Variants in TLN2 observed in about 807,000 individuals in gnomAD.
TLN2 encodes talin 2.
Under a neutral mutation model 294.7 loss-of-function variants are expected in TLN2, and 118 were observed. That is an observed-to-expected ratio of 0.40 (90% confidence interval 0.34 to 0.47). The LOEUF is 0.47. Among genes scored for constraint, TLN2 ranks in the 20% least tolerant of loss-of-function variants. The pLI, the probability that TLN2 is intolerant of heterozygous loss-of-function variation, is 0.84. For synonymous variants in TLN2, 1,431 were observed against 1,304.5 expected (o/e 1.10, Z -2.09); for missense variants, 3,083 against 3,282.2 (o/e 0.94, Z 1.48).
chr15:62,801,872 A>C (rs998042050), intron 50 of TLN2, among the ~76,000 whole-genome samples: 1 of 152,216 alleles, frequency 6.6e-6, no homozygotes, highest in African/African-American at 2.4e-5. Flanking sequence ...GTTACATGAA[A>C]TATTTTGATA....
At chr15:62,797,835 C>T (rs1172422217) in intron 48 of TLN2, among the ~76,000 whole-genome samples, 1 of 152,144 alleles carries the variant, frequency 6.6e-6, no homozygotes, top group Non-Finnish European at 1.5e-5. Flanking sequence ...GTGAGCCTGC[C>T]CAGGCACGGG....
chr15:62,557,670 T>C (rs2042684639), intron 1 of TLN2, among the ~76,000 whole-genome samples: 2 of 152,048 alleles, frequency 1.3e-5, no homozygotes. Context: ...GCCTCCCGAG[T>C]AGCTGGGATT....
chr15:62,732,569 G>A (rs959160411), intron 28 of TLN2, among the ~76,000 whole-genome samples: 4 of 152,208 alleles, frequency 2.6e-5, no homozygotes, highest in African/African-American at 9.7e-5. Context: ...TTTTTCATCT[G>A]TGGACACAGT....
chr15:62,801,206 A>C (rs1369808090), intron 50 of TLN2, among the ~76,000 whole-genome samples: 1 of 152,218 alleles, frequency 6.6e-6, no homozygotes, highest in East Asian at 1.9e-4. Flanking sequence ...GGAAAAGCCT[A>C]GAAGCCTTTA....
chr15:62,807,652 C>G (rs1298937793), intron 51 of TLN2, among the ~76,000 whole-genome samples: 1 of 152,192 alleles, frequency 6.6e-6, no homozygotes, highest in Non-Finnish European at 1.5e-5. Context: ...GTGTGCTCCC[C>G]TGTTTTCAGG....
chr15:62,702,115 G>A lies in TLN2; in HGVS notation c.1820G>A (p.Ser607Asn), dbSNP rs148980230. ...LAALMDDEVG[S>N]GEDLLRAART... ...GCCCTCATGGATGATGAGGTGGGCAGCGGGGAGGACTTGCTCAGAGCTGCC... is the reference window on the plus strand; with the variant it reads ...GCCCTCATGGATGATGAGGTGGGCAACGGGGAGGACTTGCTCAGAGCTGCC... The change falls in exon 18 of 59, where the codon AGC becomes AAC. Residue 607 changes from serine (S) to asparagine (N), a missense_variant. Transcript: ENST00000636159. 353 of 1,614,052 alleles carry A rather than the reference G, an allele frequency of 2.2e-4. No individual in the cohort carries two copies. Among genetic ancestry groups the A allele is most frequent in the Non-Finnish European group, 2.7e-4 (320 of 1,180,046 alleles).
chr15:62,442,938 G>A (rs749390687), intron 1 of TLN2, among the ~76,000 whole-genome samples: 1 of 152,086 alleles, frequency 6.6e-6, no homozygotes, highest in Non-Finnish European at 1.5e-5. Context: ...CCTATCTTCC[G>A]TCTTCCGAGC....
chr15:62,588,004 C>A (rs1392678955), intron 1 of TLN2, among the ~76,000 whole-genome samples: 4 of 152,088 alleles, frequency 2.6e-5, no homozygotes, highest in African/African-American at 7.2e-5. Context: ...CCTCAGCCCC[C>A]ACAGTAGCTG....
intron 54 of TLN2, chr15:62,830,000 A>G (rs548289785): frequency 6.6e-6 from 1 of 152,338 alleles, no homozygotes; most frequent in Admixed American, 6.5e-5. Context: ...AAGACTATCA[A>G]TTTATCCTGT....
intron 2 of TLN2, among the ~76,000 whole-genome samples, chr15:62,605,346 T>C (rs1320434871): frequency 6.6e-6 from 1 of 152,258 alleles, no homozygotes; most frequent in Non-Finnish European, 1.5e-5. Context: ...CGTAACATTT[T>C]ACAAATTTAA....
At chr15:62,529,563 A>T (rs1393258611) in intron 1 of TLN2, among the ~76,000 whole-genome samples, 1 of 43,266 alleles carries the variant, frequency 2.3e-5, no homozygotes, top group African/African-American at 2.2e-4. Context: ...TAAAAGCTTA[A>T]AAAAAAAAAA....
rs2070867556 is a variant in TLN2 at position 62,843,107 on chromosome 15, A to C, written c.*2497A>C. The C allele has an allele frequency of 6.6e-6, 1 of 152,194 alleles. No individual in the cohort carries two copies. Among genetic ancestry groups the C allele is most frequent in the African/African-American group, 2.4e-5 (1 of 41,454 alleles). The allele number at this position is 152,194 out of a possible 1,614,324, so 9.4% of individuals were successfully genotyped here. The stretch of plus-strand genomic sequence containing the variant: ...AGTGTGAACTTTCAGAACACCTAAT[A>C]AGAGAGTGGTGTCAGAGTAAAAACG... On this transcript the variant is annotated 3_prime_UTR_variant, in exon 59 of 59. Transcript: ENST00000636159.
At chr15:62,424,943 G>A (rs1373610221) in intron 1 of TLN2, among the ~76,000 whole-genome samples, 22 of 136,112 alleles carry the variant, frequency 1.6e-4, no homozygotes, top group Admixed American at 1.1e-3. Context: ...ATGAGCCACC[G>A]TGCCTGGCCT....
At chr15:62,669,692 A>C (rs963553232) in intron 9 of TLN2, among the ~76,000 whole-genome samples, 1 of 152,142 alleles carries the variant, frequency 6.6e-6, no homozygotes, top group Non-Finnish European at 1.5e-5. Context: ...ACTTGTATAC[A>C]TGTCCCAGAT....
intron 39 of TLN2, 104 bp from the exon 40 acceptor site, chr15:62,763,459 T>G: frequency 6.9e-7 from 1 of 1,455,082 alleles, no homozygotes; most frequent in South Asian, 1.4e-5. Context: ...GAGGTGACTG[T>G]GTCAGGGAGG....
chr15:62,403,107 G>T (rs369980009), intron 1 of TLN2, among the ~76,000 whole-genome samples: 2 of 151,956 alleles, frequency 1.3e-5, no homozygotes, highest in African/African-American at 2.4e-5. Flanking sequence ...GCATGGTGGC[G>T]TGTGCCTGTA....
intron 1 of TLN2, among the ~76,000 whole-genome samples, chr15:62,567,706 G>C (rs1212079234): frequency 6.6e-5 from 10 of 152,112 alleles, no homozygotes; most frequent in Admixed American, 6.5e-4. Context: ...GTGATGGCGC[G>C]CGCCTGTAAT....
In TLN2 at chr15:62,803,592, C is replaced by T. The variant is rs1164628398; in HGVS notation, c.6478-2008C>T. ...TGTGATCAGTTCTGCCATTAAAAGA[C>T]GCTTATGCATTCTTCAGTATATTAA... On this transcript the variant is annotated intron_variant, in intron 50 of 58. Coordinates refer to ENST00000636159, the MANE Select transcript of TLN2 (RefSeq NM_015059.3). 2.6e-5 allele frequency among the ~76,000 whole-genome samples: 4 copies of T among 152,188 alleles called. No homozygotes were observed. The East Asian group carries it at 5.8e-4, about 22-fold the overall frequency.
At chr15:62,730,124 G>A (rs572351858) in intron 28 of TLN2, among the ~76,000 whole-genome samples, 2 of 144,186 alleles carry the variant, frequency 1.4e-5, no homozygotes, top group Non-Finnish European at 3.0e-5. Context: ...TGCTTCCTGG[G>A]TTCAAGCAAT....
Sources: gnomAD v4.1 joint callset for allele counts (sites outside exome capture counted in the v4.1 genomes callset) on GRCh38, gnomAD v4.1.1 for gene constraint, MANE v1.5 for transcripts, NCBI Gene and HGNC (gene_info 2026-07-23, HGNC 2026-07-21) for gene names.